CNOT10: variants seen among roughly 807,000 people sequenced by gnomAD.
CNOT10 encodes the protein CCR4-NOT transcription complex subunit 10, also known as CCR4-NOT transcription complex, subunit 10.
A neutral mutation model predicts 94.6 loss-of-function variants in CNOT10; 30 were observed. The observed-to-expected ratio is 0.32, with a 90% confidence interval of 0.24 to 0.43. The LOEUF (loss-of-function observed/expected upper bound fraction) is 0.43. CNOT10 is among the 20% of genes least tolerant of loss of function. The pLI is 1.00. For missense variants in CNOT10, 759 were observed against 877.2 expected (o/e 0.87, Z 1.70); for synonymous variants, 289 against 301.6 (o/e 0.96, Z 0.43).
rs1013447693 is a variant in CNOT10, at chr3:32,720,907, C to T, written c.862+676C>T. Among the ~76,000 whole-genome samples, 8 of 131,446 alleles carry T rather than the reference C, an allele frequency of 6.1e-5. No individual in the cohort carries two copies. In the South Asian group the frequency reaches 1.6e-3, roughly 26 times the overall value. 86.2% of individuals were successfully genotyped at this position (131,446 alleles called of 152,430 possible). ...TTTCCTTCTTTTCCTTCCTTCCTTC[C>T]TTCCTTCCTTCCTTCCTTCCTTCCT... On this transcript the variant is annotated intron_variant, in intron 8 of 18. Coordinates refer to ENST00000328834, the MANE Select transcript of CNOT10 (RefSeq NM_015442.3).
intron 13 of CNOT10, among the ~76,000 whole-genome samples, chr3:32,747,042 G>T (rs564317641): frequency 6.6e-6 from 1 of 150,416 alleles, no homozygotes; most frequent in South Asian, 2.1e-4. Flanking sequence ...ACTTGAACCC[G>T]GGAGGCGGAG....
intron 13 of CNOT10, among the ~76,000 whole-genome samples, chr3:32,746,923 A>T (rs1699726327): frequency 6.6e-6 from 1 of 151,540 alleles, no homozygotes; most frequent in Non-Finnish European, 1.5e-5. Flanking sequence ...TCAGGCAGTA[A>T]TGCAAGTCAT....
intron 9 of CNOT10, among the ~76,000 whole-genome samples, chr3:32,726,538 C>CA (rs990612700): frequency 2.6e-5 from 4 of 151,022 alleles, no homozygotes; most frequent in Non-Finnish European, 5.9e-5. Context: ...ACTAAAAATA[C>CA]AAAAAAAATT....
intron 8 of CNOT10, among the ~76,000 whole-genome samples, chr3:32,721,155 C>T (rs1698387672): frequency 6.7e-6 from 1 of 149,960 alleles, no homozygotes; most frequent in Admixed American, 6.7e-5. Flanking sequence ...CACCTCCCTC[C>T]CGGGTTCAAG....
intron 17 of CNOT10, among the ~76,000 whole-genome samples, chr3:32,768,815 C>T (rs1295677033): frequency 1.3e-5 from 2 of 152,198 alleles, no homozygotes; most frequent in Non-Finnish European, 2.9e-5. Flanking sequence ...CTGCCAGAAA[C>T]CAACCTAGTA....
Position 32,685,456 on chromosome 3 carries a change from G to T in CNOT10, c.-5G>T. 1 of 1,550,390 alleles carries T rather than the reference G, an allele frequency of 6.4e-7. No homozygotes were observed. Among genetic ancestry groups the T allele is most frequent in the Non-Finnish European group, 8.7e-7 (1 of 1,146,766 alleles). On this transcript the variant is annotated 5_prime_UTR_variant, in exon 1 of 19. Transcript: ENST00000328834. ...GCAGGGAAGAACCCGAGTCGAAGCGGGAAGATGGCTGCAGACAAGCCTGCA... is the reference window on the plus strand; with the variant it reads ...GCAGGGAAGAACCCGAGTCGAAGCGTGAAGATGGCTGCAGACAAGCCTGCA...
At chr3:32,764,651 C>G in intron 16 of CNOT10, 31 bp from the exon 17 acceptor site, 1 of 1,611,688 alleles carries the variant, frequency 6.2e-7, no homozygotes, top group Non-Finnish European at 8.5e-7. Context: ...GGCACGGCCT[C>G]TTCACCAGTG....
At chr3:32,734,352 A>C (rs1156430280) in intron 11 of CNOT10, among the ~76,000 whole-genome samples, 1 of 152,206 alleles carries the variant, frequency 6.6e-6, no homozygotes, top group African/African-American at 2.4e-5. Context: ...ACAAAAAGTA[A>C]TGTTGGTGTT....
Position 32,720,180 on chromosome 3 carries a change from A to T in CNOT10, c.811A>T (p.Lys271Ter). The T allele has an allele frequency of 6.4e-7, 1 of 1,556,190 alleles. No homozygotes were observed. Among genetic ancestry groups the T allele is most frequent in the Non-Finnish European group, 8.8e-7 (1 of 1,138,744 alleles). Residue 271 changes from lysine to a stop codon, truncating the protein, a stop_gained, in exon 8 of 19, where the codon AAG becomes TAG. Transcript: ENST00000328834. LOFTEE classifies it high-confidence loss of function. ...AAGAGGTAATTATCGAAAAGCCGTG[A>T]AGCTATTAAATAGTTCAAACATTGC... ...YLRGNYRKAVKLLNSSNIAEH... is the reference protein window; with the variant it reads ...YLRGNYRKAV
intron 12 of CNOT10, among the ~76,000 whole-genome samples, chr3:32,735,288 C>T (rs1016321381): frequency 1.3e-5 from 2 of 149,916 alleles, no homozygotes; most frequent in African/African-American, 2.5e-5. Context: ...GAGGTTGCAG[C>T]GAGCCGAGAT....
At chr3:32,746,434 A>AC (rs1158577777) in intron 13 of CNOT10, among the ~76,000 whole-genome samples, 1 of 152,184 alleles carries the variant, frequency 6.6e-6, no homozygotes, top group Non-Finnish European at 1.5e-5. Flanking sequence ...TTTTCCTACA[A>AC]CTAGATGGTC....
At chr3:32,707,079 G>A (rs1413343594) in intron 3 of CNOT10, among the ~76,000 whole-genome samples, 1 of 152,194 alleles carries the variant, frequency 6.6e-6, no homozygotes, top group East Asian at 1.9e-4. Flanking sequence ...GTTGGTCTTA[G>A]AGTTAATTAC....
chr3:32,727,923 A>C (rs1377120862), intron 10 of CNOT10, 53 bp downstream of exon 10: 18 of 1,192,644 alleles, frequency 1.5e-5, no homozygotes, highest in Non-Finnish European at 1.9e-5. Context: ...CACTTACTAC[A>C]TGGAATGGTT....
At chr3:32,710,236 A>T (rs573955176) in intron 4 of CNOT10, among the ~76,000 whole-genome samples, 145 of 150,862 alleles carry the variant, frequency 9.6e-4, no homozygotes, top group African/African-American at 3.4e-3. Context: ...TATTAATAGT[A>T]ATCAACTAGT....
intron 1 of CNOT10, among the ~76,000 whole-genome samples, chr3:32,695,023 C>T (rs555813643): frequency 6.6e-6 from 1 of 152,294 alleles, no homozygotes; most frequent in African/African-American, 2.4e-5. Flanking sequence ...CCGTGCTGGC[C>T]ATGCTGATAT....
intron 13 of CNOT10, chr3:32,753,686 T>C: frequency 6.3e-7 from 1 of 1,585,502 alleles, no homozygotes; most frequent in Non-Finnish European, 8.6e-7. Context: ...GTGGGTAAAA[T>C]CAAAGAAGAA....
intron 13 of CNOT10, among the ~76,000 whole-genome samples, chr3:32,743,557 C>T (rs1250082191): frequency 1.3e-5 from 2 of 152,068 alleles, no homozygotes; most frequent in Non-Finnish European, 2.9e-5. Context: ...TTGCTTGAAC[C>T]CAGAAGGCAG....
At chr3:32,704,021 T>TAC in intron 2 of CNOT10, 59 bp downstream of exon 2, 1 of 1,013,168 alleles carries the variant, frequency 9.9e-7, no homozygotes, top group Non-Finnish European at 1.5e-6. Flanking sequence ...GTATGAATCT[T>TAC]TTCATAGTGA....
At chr3:32,751,238 C>G (rs1288720766) in intron 13 of CNOT10, among the ~76,000 whole-genome samples, 1 of 152,074 alleles carries the variant, frequency 6.6e-6, no homozygotes, top group Non-Finnish European at 1.5e-5. Flanking sequence ...GTAGCTGGGA[C>G]TACAGATGTG....
Sources: gnomAD v4.1 joint callset for allele counts (sites outside exome capture counted in the v4.1 genomes callset) on GRCh38, gnomAD v4.1.1 for gene constraint, MANE v1.5 for transcripts, NCBI Gene and HGNC (gene_info 2026-07-23, HGNC 2026-07-21) for gene names.